The following PSMD2 variants were observed in gnomAD, a reference collection of about 807,000 sequenced individuals.
The protein encoded by PSMD2 is 26S proteasome non-ATPase regulatory subunit 2.
A neutral mutation model predicts 101.5 loss-of-function variants in PSMD2; 8 were observed. The observed-to-expected ratio is 0.08, with a 90% confidence interval of 0.05 to 0.14. The LOEUF is 0.14. PSMD2 is among the 10% of genes least tolerant of loss of function. The pLI, the probability that PSMD2 is intolerant of heterozygous loss-of-function variation, is 1.00. For missense variants in PSMD2, 784 were observed against 1,147.4 expected, an observed-to-expected ratio of 0.68 and a Z score of 4.58; for synonymous variants, 418 against 433.8, an observed-to-expected ratio of 0.96 and a Z score of 0.45.
At chr3:184,301,504 G>A (rs1400031793) in intron 3 of PSMD2, 33 bp from the exon 4 acceptor site, 8 of 1,611,590 alleles carry the variant, frequency 5.0e-6, no homozygotes, top group Non-Finnish European at 5.9e-6. Context: ...CTGGACTGCT[G>A]GGTTTGACTT....
At chr3:184,307,237 C>T in intron 16 of PSMD2, 120 bp from the exon 17 acceptor site, 1 of 1,151,790 alleles carries the variant, frequency 8.7e-7, no homozygotes, top group Non-Finnish European at 1.2e-6. Flanking sequence ...GCCACCATGC[C>T]CAGCCTGCTG....
Position 184,301,888 on chromosome 3 carries a change from A to T in PSMD2, c.521A>T (p.Asp174Val), listed in dbSNP as rs776796891. The change falls in exon 5 of 21, where the codon GAT (aspartate) becomes GTT (valine). Residue 174 changes from aspartate to valine, a missense_variant. Around this residue, in one of 6 missense-constraint regions of PSMD2, gnomAD observed 208 missense variants for 301.6 expected, o/e 0.69. Coordinates refer to ENST00000310118, the MANE Select transcript of PSMD2 (RefSeq NM_002808.5). ...GEVAKEWQEL[D>V]DAEKVQREPL... The stretch of plus-strand genomic sequence containing the variant: ...GTGGCTAAGGAGTGGCAGGAGCTGG[A>T]TGACGCAGAGAAGGTCCAGCGGGAG... 1.9e-6 allele frequency: 3 copies of T among 1,614,094 alleles called. No individual in the cohort carries two copies. The highest frequency in any genetic ancestry group is 2.5e-6 in the Non-Finnish European group (3 of 1,180,046).
At position 184,304,493 on chromosome 3, in the gene PSMD2, C is replaced by G; in HGVS notation, c.1539+102C>G. On this transcript the variant is annotated intron_variant, in intron 12 of 20. Transcript: ENST00000310118. This position sits in a 1 kb window ranked among gnomAD's most constrained non-coding sequence, Gnocchi z 4.1. Reference sequence around the variant, plus strand: ...AAAGAAGTAAGTGTGTGCATGTGTGCATACATGTACATGCCTGTTGGTGTG... The same window carrying G: ...AAAGAAGTAAGTGTGTGCATGTGTGGATACATGTACATGCCTGTTGGTGTG... The G allele has an allele frequency of 1.7e-6, 2 of 1,151,848 alleles. No homozygotes were observed. Among genetic ancestry groups the G allele is most frequent in the Non-Finnish European group, 2.6e-6 (2 of 771,710 alleles). The allele number at this position is 1,151,848 out of a possible 1,614,324, so 71.4% of individuals were successfully genotyped here. A position where few individuals can be genotyped will look rare whatever the true frequency, so the allele number is the denominator to read the frequency against.
At position 184,307,921 on chromosome 3, in the gene PSMD2, C is replaced by G; in HGVS notation, c.2330C>G (p.Thr777Ser). The G allele has an allele frequency of 6.2e-7, 1 of 1,614,156 alleles. No homozygotes were observed. The highest frequency in any genetic ancestry group is 8.5e-7 in the Non-Finnish European group (1 of 1,180,018). Residue 777 changes from threonine (T) to serine (S), a missense_variant, in exon 19 of 21, where the codon ACC (threonine) becomes AGC (serine). By Grantham distance (58) the Thr-to-Ser change is moderately conservative. Transcript: ENST00000310118. ...ACACATTTAGGGAAGGGCACCCTTACCCTCTGCCCCTACCACAGCGACCGG... is the reference window on the plus strand; with the variant it reads ...ACACATTTAGGGAAGGGCACCCTTAGCCTCTGCCCCTACCACAGCGACCGG... Reference protein sequence around the residue: ...GLTHLGKGTLTLCPYHSDRQL... With the variant: ...GLTHLGKGTLSLCPYHSDRQL...
Position 184,304,237 on chromosome 3 carries a change from C to T in PSMD2, c.1452-67C>T, listed in dbSNP as rs1670531545. On this transcript the variant is annotated intron_variant, in intron 11 of 20. Coordinates refer to ENST00000310118, the MANE Select transcript of PSMD2 (RefSeq NM_002808.5). This position sits in a 1 kb window ranked among gnomAD's most constrained non-coding sequence, Gnocchi z 4.1. The stretch of plus-strand genomic sequence containing the variant: ...AAATGGTGAATGAATGACCGATTCT[C>T]CTTTTGTTCTTTTCTTGCTGCATCG... 1 of 1,566,156 alleles carries T rather than the reference C, an allele frequency of 6.4e-7. No individual in the cohort carries two copies. Among genetic ancestry groups the T allele is most frequent in the Non-Finnish European group, 8.8e-7 (1 of 1,136,562 alleles).
chr3:184,307,748 T>A (rs780304230), intron 18 of PSMD2, 40 bp downstream of exon 18: 2 of 1,606,734 alleles, frequency 1.2e-6, no homozygotes, highest in Non-Finnish European at 1.7e-6. Context: ...GCCGGGGAAG[T>A]ATCTGTGGTG....
At position 184,308,613 on chromosome 3, in the gene PSMD2, T is replaced by G; in HGVS notation, c.2544+46T>G. ...GAGGGCTCAGGCTGTATTCTCAAAC[T>G]GGAGAATGTACATATACTTGCTTTG... On this transcript the variant is annotated intron_variant, in intron 20 of 20. Transcript: ENST00000310118. This position sits in a 1 kb window ranked among gnomAD's most constrained non-coding sequence, Gnocchi z 6.0. 6.3e-7 allele frequency: 1 copy of G among 1,591,458 alleles called. No individual in the cohort carries two copies. The highest frequency in any genetic ancestry group is 8.6e-7 in the Non-Finnish European group (1 of 1,161,388).
At chr3:184,300,866 T>TTCC (rs1205775432) in intron 3 of PSMD2, among the ~76,000 whole-genome samples, 1 of 152,218 alleles carries the variant, frequency 6.6e-6, no homozygotes, top group Non-Finnish European at 1.5e-5. Flanking sequence ...TTGTGCTTTG[T>TTCC]TCCTACACAG....
intron 18 of PSMD2, 61 bp downstream of exon 18, chr3:184,307,769 G>A: frequency 1.2e-6 from 2 of 1,604,964 alleles, no homozygotes; most frequent in East Asian, 2.2e-5. Context: ...ATGGAAGGAG[G>A]AACATGGAGT....
In PSMD2 at chr3:184,302,826, G is replaced by A; in HGVS notation, c.1008+3G>A. On this transcript the variant is annotated splice_donor_region_variant and intron_variant, in intron 7 of 20. Transcript: ENST00000310118. ...ACTTCTTGGCCTTAGCTCGGGAGGT[G>A]AGACTGCCCTTTTTTCATCAAGGCC... 6.2e-7 allele frequency: 1 copy of A among 1,614,120 alleles called. No individual in the cohort carries two copies. The highest frequency in any genetic ancestry group is 1.7e-5 in the Admixed American group (1 of 60,028).
At position 184,304,473 on chromosome 3, in the gene PSMD2, A is replaced by G. The variant is rs956192220; in HGVS notation, c.1539+82A>G. The G allele has an allele frequency of 6.2e-5, 89 of 1,434,150 alleles. No homozygotes were observed. Among genetic ancestry groups the G allele is most frequent in the Non-Finnish European group, 7.3e-5 (74 of 1,018,824 alleles). 88.8% of individuals were successfully genotyped at this position (1,434,150 alleles called of 1,614,324 possible). A position where few individuals can be genotyped will look rare whatever the true frequency, so the allele number is the denominator to read the frequency against. On this transcript the variant is annotated intron_variant, in intron 12 of 20. Transcript: ENST00000310118. This position sits in a 1 kb window ranked among gnomAD's most constrained non-coding sequence, Gnocchi z 4.1. Reference sequence around the variant, plus strand: ...TTTCTGTGATAAATAATGAAAAAGAAGTAAGTGTGTGCATGTGTGCATACA... The same window carrying G: ...TTTCTGTGATAAATAATGAAAAAGAGGTAAGTGTGTGCATGTGTGCATACA...
Position 184,308,617 on chromosome 3 carries a change from G to A in PSMD2, c.2544+50G>A. ...GCTCAGGCTGTATTCTCAAACTGGA[G>A]AATGTACATATACTTGCTTTGCTGA... On this transcript the variant is annotated intron_variant, in intron 20 of 20. Coordinates refer to ENST00000310118, the MANE Select transcript of PSMD2 (RefSeq NM_002808.5). This position sits in a 1 kb window ranked among gnomAD's most constrained non-coding sequence, Gnocchi z 6.0. 3 of 1,590,438 alleles carry A rather than the reference G, an allele frequency of 1.9e-6. No homozygotes were observed. Among genetic ancestry groups the A allele is most frequent in the Non-Finnish European group, 2.6e-6 (3 of 1,160,374 alleles).
intron 3 of PSMD2, 97 bp from the exon 4 acceptor site, chr3:184,301,440 T>A (rs1251639346): frequency 1.4e-6 from 2 of 1,442,408 alleles, no homozygotes; most frequent in Non-Finnish European, 1.9e-6. Flanking sequence ...GGTATGTAGT[T>A]AGTTCAGTTT....
chr3:184,303,243 C>T, intron 8 of PSMD2, 77 bp from the exon 9 acceptor site: 5 of 1,555,630 alleles, frequency 3.2e-6, no homozygotes, highest in South Asian at 2.3e-5. Context: ...GAACCAGAGA[C>T]CAGTTGCCAT....
intron 3 of PSMD2, among the ~76,000 whole-genome samples, 184 bp from the exon 4 acceptor site, chr3:184,301,352 AG>A (rs1292224752): frequency 6.6e-6 from 1 of 151,340 alleles, no homozygotes; most frequent in Non-Finnish European, 1.5e-5. Context: ...AAAAAAAAAA[AG>A]GAGATAGCAA....
chr3:184,307,247 G>A, intron 16 of PSMD2, 110 bp from the exon 17 acceptor site: 1 of 1,250,484 alleles, frequency 8.0e-7, no homozygotes, highest in Non-Finnish European at 1.1e-6. Flanking sequence ...CCAGCCTGCT[G>A]TGCCTTTTCT....
At chr3:184,300,609 G>A in intron 3 of PSMD2, 165 bp downstream of exon 3, 1 of 1,411,596 alleles carries the variant, frequency 7.1e-7, no homozygotes, top group Non-Finnish European at 9.2e-7. Flanking sequence ...CTGAAAGGAA[G>A]GTCAGCTTCT....
chr3:184,307,509 G>A lies in PSMD2; in HGVS notation c.2187G>A (p.Met729Ile). 1 of 1,614,128 alleles carries A rather than the reference G, an allele frequency of 6.2e-7. No individual in the cohort carries two copies. Among genetic ancestry groups the A allele is most frequent in the Non-Finnish European group, 8.5e-7 (1 of 1,180,020 alleles). ...TTTCCTATAACTCCATTTTTGCCATGGGCATGGTGGGCAGTGGTGAGTATC... is the reference window on the plus strand; with the variant it reads ...TTTCCTATAACTCCATTTTTGCCATAGGCATGGTGGGCAGTGGTGAGTATC... ...PEVSYNSIFA[M>I]GMVGSGTNNA... Residue 729 changes from methionine (M) to isoleucine (I), a missense_variant, in exon 17 of 21, where the codon ATG becomes ATA. Coordinates refer to ENST00000310118, the MANE Select transcript of PSMD2 (RefSeq NM_002808.5).
intron 2 of PSMD2, 118 bp from the exon 3 acceptor site, chr3:184,300,162 C>T (rs1721593820): frequency 3.5e-6 from 4 of 1,130,518 alleles, no homozygotes; most frequent in Non-Finnish European, 5.1e-6. Flanking sequence ...TGAGGAATCA[C>T]AGATGAATGA....
Sources: gnomAD v4.1 joint callset for allele counts (sites outside exome capture counted in the v4.1 genomes callset) on GRCh38, gnomAD v4.1.1 for gene constraint, gnomAD v4.1.1 regional missense constraint, Gnocchi (gnomAD v3.1) non-coding constraint, MANE v1.5 for transcripts, NCBI Gene and HGNC (gene_info 2026-07-23, HGNC 2026-07-21) for gene names.